RPE: variants seen among roughly 807,000 people sequenced by gnomAD.
The protein encoded by RPE is ribulose-phosphate 3-epimerase.
In RPE, 16 loss-of-function variants were observed where a neutral mutation model predicts 24.6. That is an observed-to-expected ratio of 0.65 (90% CI 0.44 to 0.99). The LOEUF (loss-of-function observed/expected upper bound fraction) is 0.99. RPE is among the 50% of genes least tolerant of loss of function. The pLI is 0.00. For missense variants in RPE, 240 were observed against 294.5 expected (o/e 0.81, Z 1.35); for synonymous variants, 93 against 98.4 (o/e 0.94, Z 0.33).
chr2:210,007,488 A>G (rs2125059008), intron 1 of RPE, among the ~76,000 whole-genome samples: 1 of 152,328 alleles, frequency 6.6e-6, no homozygotes, highest in South Asian at 2.1e-4. Context: ...CAGCAGGACA[A>G]AAGTCCAGAC....
intron 2 of RPE, among the ~76,000 whole-genome samples, chr2:210,011,840 T>C (rs1259549571): frequency 6.7e-6 from 1 of 150,330 alleles, no homozygotes; most frequent in African/African-American, 2.4e-5. Context: ...TATTTTTTTT[T>C]TTTTTTTTTT....
intron 1 of RPE, among the ~76,000 whole-genome samples, chr2:210,003,708 G>A (rs748639406): frequency 6.6e-6 from 1 of 152,182 alleles, no homozygotes; most frequent in Admixed American, 6.5e-5. Context: ...CTTGAGTGGG[G>A]ATGGAAAAAT....
At chr2:210,016,754 G>C (rs997427870) in intron 4 of RPE, 113 bp downstream of exon 4, 2 of 1,441,352 alleles carry the variant, frequency 1.4e-6, no homozygotes, top group Non-Finnish European at 1.9e-6. Context: ...TGAGGAGATG[G>C]GGATGCTTAC....
In RPE at chr2:210,002,722, G is replaced by T. The variant is rs372457623; in HGVS notation, c.61G>T (p.Ala21Ser). The part of the protein sequence containing the change: ...ILNSDLANLG[A>S]ECLRMLDSGA... ...CAACAGCGACCTGGCCAATTTAGGG[G>T]CCGAGTGCCTCCGGATGCTAGACTC... The change falls in exon 1 of 6, where the codon GCC becomes TCC. Residue 21 changes from alanine (A) to serine (S), a missense_variant. Physicochemically the swap from Ala to Ser is moderately conservative, Grantham distance 99. Transcript: ENST00000359429. 3 of 1,614,096 alleles carry T rather than the reference G, an allele frequency of 1.9e-6. No individual in the cohort carries two copies. The African/African-American group carries it at 4.0e-5, about 22-fold the overall frequency.
At chr2:210,006,437 C>T (rs2093632029) in intron 1 of RPE, among the ~76,000 whole-genome samples, 1 of 152,070 alleles carries the variant, frequency 6.6e-6, no homozygotes, top group Non-Finnish European at 1.5e-5. Context: ...CATTCTTGTT[C>T]TTCCAATATA....
intron 1 of RPE, 31 bp downstream of exon 1, chr2:210,002,814 C>A (rs1385551071): frequency 1.1e-5 from 18 of 1,614,060 alleles, no homozygotes; most frequent in East Asian, 2.2e-5. Flanking sequence ...TCGGGCTTGC[C>A]GCGCGGCGGG....
At position 210,021,438 on chromosome 2, in the gene RPE, T is replaced by C. The variant is rs920754516; in HGVS notation, c.*1647T>C. ...AACACACGGCATATAGAAATAACTTTAATTAAAAAACTTACATAGAAGATT... is the reference window on the plus strand; with the variant it reads ...AACACACGGCATATAGAAATAACTTCAATTAAAAAACTTACATAGAAGATT... On this transcript the variant is annotated 3_prime_UTR_variant, in exon 6 of 6. Coordinates refer to ENST00000359429, the MANE Select transcript of RPE (RefSeq NM_199229.3). 4 of 152,500 alleles carry C rather than the reference T, an allele frequency of 2.6e-5. No individual in the cohort carries two copies. The highest frequency in any genetic ancestry group is 5.9e-5 in the Non-Finnish European group (4 of 67,972). 9.4% of individuals were successfully genotyped at this position (152,500 alleles called of 1,614,324 possible).
rs1398950072 is a variant in RPE, at chr2:210,016,715, G to A, written c.477+74G>A. On this transcript the variant is annotated intron_variant, in intron 4 of 5. Coordinates refer to ENST00000359429, the MANE Select transcript of RPE (RefSeq NM_199229.3). ...TCAGTAAGCATTTATTGAAAGGCTT[G>A]TATATTTAGGCATAACCTGTTCTGA... 1.9e-6 allele frequency: 3 copies of A among 1,598,532 alleles called. No homozygotes were observed. In the African/African-American group the frequency reaches 4.0e-5, roughly 21 times the overall value.
At chr2:210,008,070 C>T (rs1379200577) in intron 1 of RPE, among the ~76,000 whole-genome samples, 1 of 152,170 alleles carries the variant, frequency 6.6e-6, no homozygotes, top group Admixed American at 6.5e-5. Context: ...TGTAAAGTCA[C>T]ATGGGCCACT....
intron 5 of RPE, chr2:210,018,014 G>A (rs1021190612): frequency 5.6e-5 from 49 of 879,104 alleles, no homozygotes; most frequent in Non-Finnish European, 7.7e-5. Context: ...CAAAGTGTTG[G>A]GATTACAGAT....
chr2:210,014,324 C>T (rs1415892936), intron 2 of RPE, among the ~76,000 whole-genome samples: 3 of 151,332 alleles, frequency 2.0e-5, no homozygotes, highest in East Asian at 2.0e-4. Flanking sequence ...CTCCTGACCT[C>T]GTGATCCACC....
chr2:210,019,497 T>C (rs1575328697), intron 5 of RPE, among the ~76,000 whole-genome samples, 172 bp from the exon 6 acceptor site: 1 of 152,198 alleles, frequency 6.6e-6, no homozygotes, highest in East Asian at 1.9e-4. Context: ...TCTGTGAACA[T>C]TTTAAATTTT....
At chr2:210,010,683 A>G (rs10192315) in intron 2 of RPE, among the ~76,000 whole-genome samples, 14,751 of 152,218 alleles carry the variant, frequency 0.097, 813 homozygotes, top group Middle Eastern at 0.15. Flanking sequence ...CATAAGCCAC[A>G]TGTAGCTATT....
At chr2:210,019,263 C>A (rs980021537) in intron 5 of RPE, among the ~76,000 whole-genome samples, 5 of 152,168 alleles carry the variant, frequency 3.3e-5, no homozygotes, top group African/African-American at 4.8e-5. Flanking sequence ...ATTGTCCTTT[C>A]ACACTCACAA....
At chr2:210,014,007 A>G (rs374273699) in intron 2 of RPE, among the ~76,000 whole-genome samples, 202 of 152,306 alleles carry the variant, frequency 1.3e-3, no homozygotes, top group African/African-American at 3.9e-3. Flanking sequence ...GAGGGTTGCT[A>G]GTGGTTACTG....
intron 1 of RPE, among the ~76,000 whole-genome samples, chr2:210,005,931 T>C (rs575974511): frequency 4.7e-4 from 71 of 152,314 alleles, no homozygotes; most frequent in African/African-American, 1.6e-3. Flanking sequence ...AATGGCTTGA[T>C]CTGTCTGCAG....
At chr2:210,019,404 A>C (rs1300447931) in intron 5 of RPE, among the ~76,000 whole-genome samples, 1 of 152,222 alleles carries the variant, frequency 6.6e-6, no homozygotes, top group Non-Finnish European at 1.5e-5. Flanking sequence ...GGTCGCAAAG[A>C]TACCATGTAG....
chr2:210,004,122 A>G (rs1575289025), intron 1 of RPE, among the ~76,000 whole-genome samples: 3 of 152,336 alleles, frequency 2.0e-5, no homozygotes, highest in Middle Eastern at 6.8e-3. Context: ...CTCAAAGGTA[A>G]GTAGCTACAT....
chr2:210,013,719 ACTC>A (rs2125076117), intron 2 of RPE, among the ~76,000 whole-genome samples: 1 of 151,976 alleles, frequency 6.6e-6, no homozygotes, highest in Non-Finnish European at 1.5e-5. Context: ...AAGAGTGTAA[ACTC>A]CTGGGCTCAA....
Sources: gnomAD v4.1 joint callset for allele counts (sites outside exome capture counted in the v4.1 genomes callset) on GRCh38, gnomAD v4.1.1 for gene constraint, MANE v1.5 for transcripts, NCBI Gene and HGNC (gene_info 2026-07-23, HGNC 2026-07-21) for gene names.